ZC4H2: variants seen among roughly 807,000 people sequenced by gnomAD.
ZC4H2 encodes zinc finger C4H2-type containing, also known as zinc finger C4H2 domain-containing protein.
For synonymous variants in ZC4H2, 84 were observed against 66.3 expected, an observed-to-expected ratio of 1.27 and a Z score of -1.30; for missense variants, 137 against 173.9, an observed-to-expected ratio of 0.79 and a Z score of 1.19.
At position 64,917,976 on chromosome X, in the gene ZC4H2, C is replaced by A. The variant is rs1318664381; in HGVS notation, c.562-80G>T. ...ACTTAGACTTCTGATTCCCCAGGGG[C>A]CCAGAAAGCAAAGTGATTTCCCATC... On this transcript the variant is annotated intron_variant, in intron 4 of 4. Transcript: ENST00000374839. The A allele has an allele frequency of 5.6e-6, 6 of 1,074,475 alleles. No homozygotes were observed. The East Asian group carries it at 1.3e-4, about 24-fold the overall frequency. 88.5% of individuals were successfully genotyped at this position (1,074,475 alleles called of 1,213,427 possible).
intron 1 of ZC4H2, among the ~76,000 whole-genome samples, chrX:64,998,151 G>C (rs1035283211): frequency 2.7e-5 from 3 of 111,405 alleles, no homozygotes; most frequent in African/African-American, 9.8e-5. Context: ...CATACAGAAA[G>C]CAAATAGCAA....
chrX:64,992,172 A>T (rs767187430), intron 1 of ZC4H2, among the ~76,000 whole-genome samples: 1 of 112,087 alleles, frequency 8.9e-6, no homozygotes, highest in East Asian at 2.8e-4. Context: ...ACGGTGAGTT[A>T]TATCTTCATA....
rs764428203 is a variant in ZC4H2 at position 65,026,414 on chromosome X, C to T, written c.-272+8215G>A. Among the ~76,000 whole-genome samples, 5 of 111,667 alleles carry T rather than the reference C, an allele frequency of 4.5e-5. No homozygotes were observed. In the South Asian group the frequency reaches 1.1e-3, roughly 25 times the overall value. On this transcript the variant is annotated intron_variant, in intron 1 of 4. Transcript: ENST00000337990. ...ATTCAATTCAAACTAGCTTGAGCAA[C>T]GAAAGGAATTTAGCGGCCGGGTGCG...
At chrX:64,980,630 A>C (rs1932063471), upstream of ZC4H2, among the ~76,000 whole-genome samples, 1 of 112,094 alleles carries the variant, frequency 8.9e-6, no homozygotes, top group African/African-American at 3.2e-5. Context: ...AAAACTTCAC[A>C]GGAAGTATAT....
At chrX:64,981,551 G>A (rs183958562) in intron 1 of ZC4H2, among the ~76,000 whole-genome samples, 1 of 110,940 alleles carries the variant, frequency 9.0e-6, no homozygotes, top group East Asian at 2.8e-4. Flanking sequence ...AATGACTCCT[G>A]GATTTTTGGC....
intron 1 of ZC4H2, among the ~76,000 whole-genome samples, chrX:65,028,368 C>G (rs1602463223): frequency 8.9e-6 from 1 of 112,226 alleles, no homozygotes; most frequent in Non-Finnish European, 1.9e-5. Context: ...AGTTTCAATT[C>G]TAGTGATTCA....
rs764771515 is a variant in ZC4H2, at chrX:64,943,632, A to G, written c.54-21644T>C. On this transcript the variant is annotated intron_variant, in intron 1 of 4. Coordinates refer to ENST00000374839, the MANE Select transcript of ZC4H2 (RefSeq NM_018684.4). ...TTTGTTGTTTAAGGTCTGTTTTATC[A>G]GAAACTAGGATTGCAGCCCCTGCTT... 2.7e-5 allele frequency among the ~76,000 whole-genome samples: 3 copies of G among 111,260 alleles called. No homozygotes were observed. The East Asian group carries it at 8.5e-4, about 31-fold the overall frequency.
intron 1 of ZC4H2, among the ~76,000 whole-genome samples, chrX:64,925,952 G>A (rs1300927639): frequency 8.9e-6 from 1 of 112,097 alleles, no homozygotes; most frequent in Non-Finnish European, 1.9e-5. Context: ...AAATACCAAG[G>A]ACCAAGACCC....
intron 1 of ZC4H2, among the ~76,000 whole-genome samples, chrX:64,969,273 G>A (rs1931694505): frequency 9.0e-6 from 1 of 111,660 alleles, no homozygotes; most frequent in South Asian, 3.8e-4. Context: ...GGCAAATATG[G>A]AAGAGGACAG....
At chrX:64,930,178 GT>G (rs1929677178) in intron 1 of ZC4H2, among the ~76,000 whole-genome samples, 1 of 111,685 alleles carries the variant, frequency 9.0e-6, no homozygotes, top group African/African-American at 3.3e-5. Context: ...CTTAGTCATT[GT>G]TGGTATATAG....
intron 2 of ZC4H2, among the ~76,000 whole-genome samples, chrX:64,920,856 A>T (rs1393944633): frequency 8.9e-6 from 1 of 112,438 alleles, no homozygotes; most frequent in African/African-American, 3.2e-5. Context: ...GGAGTCTAGC[A>T]ATATGTGTCT....
At chrX:65,003,522 G>A (rs757774130) in intron 1 of ZC4H2, among the ~76,000 whole-genome samples, 2 of 111,566 alleles carry the variant, frequency 1.8e-5, no homozygotes, top group East Asian at 5.6e-4. Flanking sequence ...TAACAAAATA[G>A]ATAGACTGCT....
At chrX:64,995,265 G>C (rs991674143) in intron 1 of ZC4H2, among the ~76,000 whole-genome samples, 10 of 111,889 alleles carry the variant, frequency 8.9e-5, no homozygotes, top group Non-Finnish European at 1.7e-4. Flanking sequence ...TATAGTAGCT[G>C]AGAACATGCC....
chrX:64,925,025 T>C (rs1321358090), intron 1 of ZC4H2, among the ~76,000 whole-genome samples: 1 of 111,273 alleles, frequency 9.0e-6, no homozygotes, highest in Non-Finnish European at 1.9e-5. Flanking sequence ...ACTTTACACA[T>C]TATGTGGTGA....
At chrX:64,970,115 C>A (rs1240999881) in intron 1 of ZC4H2, among the ~76,000 whole-genome samples, 1 of 111,852 alleles carries the variant, frequency 8.9e-6, no homozygotes, top group Non-Finnish European at 1.9e-5. Flanking sequence ...ACTGAATGAA[C>A]ACAAAGGAGC....
intron 1 of ZC4H2, among the ~76,000 whole-genome samples, chrX:64,940,327 T>A (rs921109013): frequency 9.0e-6 from 1 of 111,452 alleles, no homozygotes; most frequent in African/African-American, 3.3e-5. Context: ...ATGGATAGAT[T>A]GTAAAAATTT....
chrX:64,950,791 T>A (rs910593939), intron 1 of ZC4H2, among the ~76,000 whole-genome samples: 1 of 110,846 alleles, frequency 9.0e-6, no homozygotes, highest in African/African-American at 3.3e-5. Flanking sequence ...TGGCTCTGGA[T>A]TCTTTTTTAT....
chrX:64,971,629 C>G, intron 1 of ZC4H2, among the ~76,000 whole-genome samples: 1 of 111,292 alleles, frequency 9.0e-6, no homozygotes, highest in East Asian at 2.8e-4. Flanking sequence ...TGTGAAACTT[C>G]CAGGCGGACA....
intron 1 of ZC4H2, among the ~76,000 whole-genome samples, chrX:64,999,681 A>G (rs1186521959): frequency 8.9e-6 from 1 of 112,526 alleles, no homozygotes; most frequent in Non-Finnish European, 1.9e-5. Context: ...CAGCAAGCTA[A>G]GATCCACTGG....
Sources: allele counts gnomAD v4.1 joint callset (sites outside exome capture counted in the v4.1 genomes callset), GRCh38; gene constraint gnomAD v4.1.1; transcripts MANE v1.5; gene names NCBI Gene and HGNC (gene_info 2026-07-23, HGNC 2026-07-21).